SHANK1: variants seen among roughly 807,000 people sequenced by gnomAD.
SHANK1 encodes SH3 and multiple ankyrin repeat domains 1.
In SHANK1, 35 loss-of-function variants were observed where a neutral mutation model predicts 165.6. That is an observed-to-expected ratio of 0.21 (90% CI 0.16 to 0.28). SHANK1 has a LOEUF of 0.28. Among genes scored for constraint, SHANK1 ranks in the 10% least tolerant of loss-of-function variants. SHANK1 has a pLI of 1.00. For synonymous variants in SHANK1, 1,428 were observed against 1,384.8 expected, an observed-to-expected ratio of 1.03 and a Z score of -0.69; for missense variants, 2,681 against 3,036.4, an observed-to-expected ratio of 0.88 and a Z score of 2.75.
rs1460235907 is a variant in SHANK1 at position 50,671,076 on chromosome 19, GC to G, written c.2674+941del. 2.6e-5 allele frequency among the ~76,000 whole-genome samples: 4 copies of G among 151,140 alleles called. No individual in the cohort carries two copies. The East Asian group carries it at 7.8e-4, about 29-fold the overall frequency. ...CAAAGTGCTGGGATTACACGTGTGA[GC>G]CACTGTGCCTGGCCCATCTATAGGT... On this transcript the variant is annotated intron_variant, in intron 22 of 23. Coordinates refer to ENST00000293441, the MANE Select transcript of SHANK1 (RefSeq NM_016148.5).
At position 50,704,399 on chromosome 19, in the gene SHANK1, GC is replaced by G. The variant is rs1459084991; in HGVS notation, c.1155+37del. 2.5e-6 allele frequency: 4 copies of G among 1,587,842 alleles called. No homozygotes were observed. In the South Asian group the frequency reaches 3.3e-5, roughly 13 times the overall value. On this transcript the variant is annotated intron_variant, in intron 9 of 23. Coordinates refer to ENST00000293441, the MANE Select transcript of SHANK1 (RefSeq NM_016148.5). ...GGGTGTCACTGTCACCCTTTCCTTA[GC>G]CCTGGAAACTCCAGCACATCCCCTG... is the stretch of plus-strand genomic sequence containing the variant.
chr19:50,665,354 C>G (rs1985437061), intron 23 of SHANK1, among the ~76,000 whole-genome samples: 1 of 151,826 alleles, frequency 6.6e-6, no homozygotes, highest in South Asian at 2.1e-4. Context: ...CACCTTAGGT[C>G]AGGAGTTCAA....
intron 19 of SHANK1, chr19:50,687,165 GC>G (rs1181058146): frequency 3.7e-6 from 2 of 541,090 alleles, no homozygotes; most frequent in Non-Finnish European, 3.2e-6. Flanking sequence ...TGTCCGACCA[GC>G]CCCCTGTCAG....
In SHANK1 at chr19:50,659,375, C is replaced by A. The variant is rs926836791; in HGVS notation, c.*2590G>T. The A allele has an allele frequency of 1.1e-5, 4 of 364,710 alleles. No homozygotes were observed. The highest frequency in any genetic ancestry group is 9.4e-5 in the Admixed American group (2 of 21,288). 22.6% of individuals were successfully genotyped at this position (364,710 alleles called of 1,614,324 possible). On this transcript the variant is annotated 3_prime_UTR_variant, in exon 24 of 24. Transcript: ENST00000293441. ...GAGGTGATGGGGGGTAGGAATGAAC[C>A]CCCATGTTATAATCCCGCGTCCCTA...
At chr19:50,689,133 AT>A (rs1986459486) in intron 16 of SHANK1, 63 bp downstream of exon 16, 10 of 1,389,472 alleles carry the variant, frequency 7.2e-6, no homozygotes, top group African/African-American at 1.4e-5. Context: ...TCCAGCCCCC[AT>A]TTTCAGCCCT....
Position 50,668,547 on chromosome 19 carries a change from G to T in SHANK1, c.3413C>A (p.Pro1138Gln). ...PAPSPTSPAS[P>Q]QPPPAVAAPS... ...CGCGGCCACGGCGGGCGGCGGCTGC[G>T]GGGAGGCCGGGGACGTGGGCGACGG... Residue 1138 changes from proline to glutamine, a missense_variant, in exon 23 of 24, where the codon CCG becomes CAG. Coordinates refer to ENST00000293441, the MANE Select transcript of SHANK1 (RefSeq NM_016148.5). The T allele has an allele frequency of 7.4e-7, 1 of 1,351,982 alleles. No homozygotes were observed. The highest frequency in any genetic ancestry group is 2.3e-5 in the South Asian group (1 of 43,424). 83.7% of individuals were successfully genotyped at this position (1,351,982 alleles called of 1,614,324 possible).
Position 50,711,933 on chromosome 19 carries a change from TG to T in SHANK1, c.960+13del. 2 of 1,613,924 alleles carry T rather than the reference TG, an allele frequency of 1.2e-6. No individual in the cohort carries two copies. The highest frequency in any genetic ancestry group is 1.7e-6 in the Non-Finnish European group (2 of 1,179,994). ...TCCCCCACCCCAGCCCTTCATGGCCTGAATCAGGAGCACCTGGTGGATTTCC... is the reference window on the plus strand; with the variant it reads ...TCCCCCACCCCAGCCCTTCATGGCCTAATCAGGAGCACCTGGTGGATTTCC... On this transcript the variant is annotated intron_variant, in intron 7 of 23. Transcript: ENST00000293441.
Position 50,716,583 on chromosome 19 carries a change from A to C in SHANK1, c.255+82T>G. 1 of 1,556,338 alleles carries C rather than the reference A, an allele frequency of 6.4e-7. No homozygotes were observed. Among genetic ancestry groups the C allele is most frequent in the Non-Finnish European group, 8.7e-7 (1 of 1,145,572 alleles). On this transcript the variant is annotated intron_variant, in intron 2 of 23. Coordinates refer to ENST00000293441, the MANE Select transcript of SHANK1 (RefSeq NM_016148.5). The surrounding 1 kb of genome is among the most constrained non-coding windows in gnomAD (Gnocchi z 8.4). ...GCTGAGTGTGGGGGTGATTCCTGGG[A>C]GGATACCCAGCACCAGTGGACTCCC...
At chr19:50,665,481 C>T (rs1378967924) in intron 23 of SHANK1, among the ~76,000 whole-genome samples, 7 of 133,916 alleles carry the variant, frequency 5.2e-5, no homozygotes, top group East Asian at 2.4e-4. Flanking sequence ...GCTGGAGAAT[C>T]GTTTGAACCT....
chr19:50,710,071 G>A (rs1016974329), intron 8 of SHANK1, among the ~76,000 whole-genome samples: 14 of 152,136 alleles, frequency 9.2e-5, no homozygotes, highest in Non-Finnish European at 1.8e-4. Flanking sequence ...AGAGGGGGAG[G>A]GACTTGTTTG....
In SHANK1 at chr19:50,667,712, C is replaced by G; in HGVS notation, c.4248G>C (p.Ala1416=). 7.5e-7 allele frequency: 1 copy of G among 1,334,400 alleles called. No homozygotes were observed. The highest frequency in any genetic ancestry group is 3.1e-5 in the East Asian group (1 of 32,156). The allele number at this position is 1,334,400 out of a possible 1,614,324, so 82.7% of individuals were successfully genotyped here. ...CGGCCCTGTACCCCAGCTCCCGGCG[C>G]GCAGGGTCCGGCGGGGAGGCCCCCC... is the stretch of plus-strand genomic sequence containing the variant. The part of the protein sequence containing the change: ...RLWGASPPDP[A]RRELGYRAGL... Residue 1416 remains alanine, a synonymous_variant, in exon 23 of 24, where the codon GCG becomes GCC. Coordinates refer to ENST00000293441, the MANE Select transcript of SHANK1 (RefSeq NM_016148.5). This position sits in a 1 kb window ranked among gnomAD's most constrained non-coding sequence, Gnocchi z 5.7.
chr19:50,692,399 A>C (rs1986566379), intron 15 of SHANK1, among the ~76,000 whole-genome samples: 1 of 150,946 alleles, frequency 6.6e-6, no homozygotes, highest in Admixed American at 6.6e-5. Flanking sequence ...CAGAGAAATA[A>C]CTTGCTCAAG....
At chr19:50,701,913 C>T (rs143530571) in intron 12 of SHANK1, among the ~76,000 whole-genome samples, 1 of 152,288 alleles carries the variant, frequency 6.6e-6, no homozygotes, top group African/African-American at 2.4e-5. Flanking sequence ...ACAGCACCAC[C>T]ATTTTGGGAA....
chr19:50,714,996 TA>T (rs2089053609), intron 4 of SHANK1, among the ~76,000 whole-genome samples: 1 of 152,036 alleles, frequency 6.6e-6, no homozygotes, highest in African/African-American at 2.4e-5. Context: ...ATGGAACATT[TA>T]GGGGAGGAAA....
intron 8 of SHANK1, among the ~76,000 whole-genome samples, chr19:50,708,212 T>C (rs1342136649): frequency 2.0e-5 from 3 of 152,096 alleles, no homozygotes; most frequent in African/African-American, 7.2e-5. Context: ...CCCAAAGTGC[T>C]GGGATTACAG....
intron 5 of SHANK1, 97 bp from the exon 6 acceptor site, chr19:50,714,046 T>C (rs1262978393): frequency 2.6e-6 from 4 of 1,546,128 alleles, no homozygotes; most frequent in Non-Finnish European, 3.5e-6. Flanking sequence ...CCACAGCCTC[T>C]GGCCCCGTGG....
At position 50,668,716 on chromosome 19, in the gene SHANK1, G is replaced by C; in HGVS notation, c.3244C>G (p.Leu1082Val). The C allele has an allele frequency of 7.7e-7, 1 of 1,291,278 alleles. No homozygotes were observed. The highest frequency in any genetic ancestry group is 2.9e-4 in the Middle Eastern group (1 of 3,428). The allele number at this position is 1,291,278 out of a possible 1,614,324, so 80.0% of individuals were successfully genotyped here. A position where few individuals can be genotyped will look rare whatever the true frequency, so the allele number is the denominator to read the frequency against. The change falls in exon 23 of 24, where the codon CTA (leucine) becomes GTA (valine). Residue 1082 changes from leucine (L) to valine (V), a missense_variant. Transcript: ENST00000293441. The part of the protein sequence containing the change: ...GGGGSSQGPA[L>V]RYFQLPPRAA... ...CGCGGGGGCAGCTGGAAATAGCGTA[G>C]AGCCGGGCCCTGGGAGGAGCCGCCG...
At chr19:50,709,285 C>T (rs529014142) in intron 8 of SHANK1, among the ~76,000 whole-genome samples, 13 of 152,116 alleles carry the variant, frequency 8.5e-5, no homozygotes, top group African/African-American at 2.7e-4. Context: ...ACTACAGGCG[C>T]CCGCCACCAC....
intron 15 of SHANK1, among the ~76,000 whole-genome samples, chr19:50,696,566 C>T (rs1037049636): frequency 6.6e-6 from 1 of 152,052 alleles, no homozygotes; most frequent in African/African-American, 2.4e-5. Flanking sequence ...AATTATGACC[C>T]TCCCTCCCCC....
Sources: gnomAD v4.1 joint callset for allele counts (sites outside exome capture counted in the v4.1 genomes callset) on GRCh38, gnomAD v4.1.1 for gene constraint, Gnocchi (gnomAD v3.1) non-coding constraint, MANE v1.5 for transcripts, NCBI Gene and HGNC (gene_info 2026-07-23, HGNC 2026-07-21) for gene names.